CAST: variants seen among roughly 807,000 people sequenced by gnomAD.
CAST encodes the protein MIR583 host.
CAST carries 76 observed loss-of-function variants against 119.6 expected under a neutral mutation model. The ratio of observed to expected loss-of-function variants is 0.64; its 90% CI spans 0.53 to 0.77. The LOEUF (loss-of-function observed/expected upper bound fraction) is 0.77. CAST is among the 30% of genes least tolerant of loss of function. The pLI is 0.00. For missense variants in CAST, 953 were observed against 946.5 expected (o/e 1.01, Z -0.09); for synonymous variants, 319 against 331.6 (o/e 0.96, Z 0.41).
chr5:96,772,539 CTGTT>C (rs1162878618), intron 31 of CAST, 97 bp from the exon 32 acceptor site: 1 of 152,678 alleles, frequency 6.5e-6, no homozygotes, highest in Non-Finnish European at 1.5e-5. Flanking sequence ...TTCCTTCTGT[CTGTT>C]ATACAATGCT....
chr5:96,214,517 T>C, the CAST span, among the ~76,000 whole-genome samples: 1 of 152,334 alleles, frequency 6.6e-6, no homozygotes, highest in Non-Finnish European at 1.5e-5. Context: ...TTCTAAGTTC[T>C]GAATGAATTG....
At chr5:96,677,086 A>T (rs1212942378) in intron 2 of CAST, among the ~76,000 whole-genome samples, 1 of 152,112 alleles carries the variant, frequency 6.6e-6, no homozygotes, top group Non-Finnish European at 1.5e-5. Flanking sequence ...GTGTCATTTA[A>T]CTCATTTATC....
intron 1 of CAST, among the ~76,000 whole-genome samples, chr5:96,625,571 A>T (rs749822691): frequency 8.5e-5 from 13 of 152,218 alleles, no homozygotes; most frequent in Non-Finnish European, 1.8e-4. Context: ...TAAAAGGGAA[A>T]CCAATTTTAA....
At chr5:96,737,392 C>T (rs890554134) in intron 10 of CAST, among the ~76,000 whole-genome samples, 1 of 151,936 alleles carries the variant, frequency 6.6e-6, no homozygotes, top group Admixed American at 6.6e-5. Context: ...GGAATAGGTA[C>T]TATATAGAGA....
chr5:96,072,055 T>C, the CAST span, among the ~76,000 whole-genome samples: 1 of 152,128 alleles, frequency 6.6e-6, no homozygotes, highest in African/African-American at 2.4e-5. Flanking sequence ...AAAACTTAAA[T>C]TGATAAAAAA....
the CAST span, among the ~76,000 whole-genome samples, chr5:96,434,847 ATTT>A: frequency 6.6e-6 from 1 of 152,190 alleles, no homozygotes; most frequent in Non-Finnish European, 1.5e-5. Context: ...GCACTACATA[ATTT>A]CTTTAAACAT....
chr5:96,702,780 C>G, intron 3 of CAST: 2 of 985,456 alleles, frequency 2.0e-6, no homozygotes, highest in South Asian at 4.7e-5. Context: ...GTCGCCTTCC[C>G]GGGACCGCCC....
At chr5:96,408,927 T>C in the CAST span, among the ~76,000 whole-genome samples, 1 of 152,258 alleles carries the variant, frequency 6.6e-6, no homozygotes, top group South Asian at 2.1e-4. Flanking sequence ...GAAAGTGTGC[T>C]GGACTTAGTT....
At chr5:96,693,096 T>C (rs1235699950) in intron 2 of CAST, among the ~76,000 whole-genome samples, 1 of 152,236 alleles carries the variant, frequency 6.6e-6, no homozygotes, top group Non-Finnish European at 1.5e-5. Context: ...AAGGGCTTAA[T>C]AAATACTTGT....
intron 1 of CAST, among the ~76,000 whole-genome samples, chr5:96,569,440 C>T (rs1436403296): frequency 6.6e-6 from 1 of 152,176 alleles, no homozygotes; most frequent in African/African-American, 2.4e-5. Flanking sequence ...CCACTGAATG[C>T]TATATTTCTA....
chr5:96,286,258 A>G, the CAST span, among the ~76,000 whole-genome samples: 1 of 152,204 alleles, frequency 6.6e-6, no homozygotes, highest in Non-Finnish European at 1.5e-5. Context: ...ATTATCTCTC[A>G]TTCTAAGATG....
At chr5:96,369,918 A>G in the CAST span, among the ~76,000 whole-genome samples, 1 of 152,010 alleles carries the variant, frequency 6.6e-6, no homozygotes, top group Non-Finnish European at 1.5e-5. Flanking sequence ...TTGTATCCCC[A>G]ATGTCTGACA....
At chr5:96,308,135 G>C in the CAST span, among the ~76,000 whole-genome samples, 1 of 151,910 alleles carries the variant, frequency 6.6e-6, no homozygotes, top group African/African-American at 2.4e-5. Flanking sequence ...ATATTTCTTG[G>C]AGGCTTTGTT....
the CAST span, among the ~76,000 whole-genome samples, chr5:96,154,979 C>T: frequency 4.6e-5 from 7 of 152,294 alleles, no homozygotes; most frequent in African/African-American, 1.7e-4. Context: ...CAGTGGGGAG[C>T]TATTTTCACC....
the CAST span, among the ~76,000 whole-genome samples, chr5:95,991,426 A>G: frequency 6.6e-6 from 1 of 152,080 alleles, no homozygotes; most frequent in Non-Finnish European, 1.5e-5. Context: ...AATGGGTACA[A>G]ACATACAGTT....
At chr5:96,749,824 G>A (rs1764586736) in intron 19 of CAST, among the ~76,000 whole-genome samples, 1 of 152,222 alleles carries the variant, frequency 6.6e-6, no homozygotes, top group Non-Finnish European at 1.5e-5. Context: ...GGGATCACAG[G>A]CATGAGCCAC....
rs1156286237 is a variant in CAST, at chr5:96,591,203, T to A, written c.60+61323T>A. ...AGCACTTATGAAACAGATGTCAGCC[T>A]AAATAACCGAAAGAGTCAGAATCTA... On this transcript the variant is annotated intron_variant, in intron 1 of 11. Transcript: ENST00000505143. 2.6e-5 allele frequency among the ~76,000 whole-genome samples: 4 copies of A among 152,258 alleles called. No homozygotes were observed. The East Asian group carries it at 7.7e-4, about 29-fold the overall frequency.
chr5:96,147,890 T>G, the CAST span, among the ~76,000 whole-genome samples: 2 of 152,194 alleles, frequency 1.3e-5, no homozygotes, highest in Non-Finnish European at 2.9e-5. Context: ...AAAAAAGAAA[T>G]TAATTTTTAT....
the CAST span, among the ~76,000 whole-genome samples, chr5:96,091,512 T>A: frequency 1.4e-5 from 2 of 146,778 alleles, no homozygotes; most frequent in African/African-American, 5.0e-5. Flanking sequence ...GCCTTTTTTT[T>A]TTTTTTTTTT....
Sources: gnomAD v4.1 joint callset for allele counts (sites outside exome capture counted in the v4.1 genomes callset) on GRCh38, gnomAD v4.1.1 for gene constraint, MANE v1.5 for transcripts, NCBI Gene and HGNC (gene_info 2026-07-23, HGNC 2026-07-21) for gene names.